The following CTNND1 variants were observed in gnomAD, a reference collection of about 807,000 sequenced individuals.
The protein encoded by CTNND1 is catenin delta-1.
A neutral mutation model predicts 112.1 loss-of-function variants in CTNND1; 16 were observed. The ratio of observed to expected loss-of-function variants is 0.14; its 90% CI spans 0.10 to 0.22. The LOEUF is 0.22. Among genes scored for constraint, CTNND1 ranks in the 10% least tolerant of loss-of-function variants. The pLI is 1.00. For synonymous variants in CTNND1, 420 were observed against 446.5 expected (o/e 0.94, Z 0.75); for missense variants, 1,008 against 1,257.0 (o/e 0.80, Z 3.00).
At chr11:57,771,199 C>T (rs931517993) in intron 1 of CTNND1, among the ~76,000 whole-genome samples, 2 of 151,336 alleles carry the variant, frequency 1.3e-5, no homozygotes, top group Non-Finnish European at 2.9e-5. Context: ...CATCTCCATT[C>T]AAAAGAAATT....
chr11:57,770,714 T>A (rs1169560056), intron 1 of CTNND1, among the ~76,000 whole-genome samples: 1 of 151,910 alleles, frequency 6.6e-6, no homozygotes, highest in Admixed American at 6.6e-5. Flanking sequence ...AGCTCATATT[T>A]TAAGAAACTA....
intron 17 of CTNND1, among the ~76,000 whole-genome samples, chr11:57,813,257 C>CA (rs2063579475): frequency 6.6e-6 from 1 of 152,014 alleles, no homozygotes; most frequent in South Asian, 2.1e-4. Context: ...CCCAGGTGGT[C>CA]AAGGCTGCAG....
At chr11:57,814,286 T>C in intron 17 of CTNND1, 25 bp from the exon 18 acceptor site, 1 of 1,580,774 alleles carries the variant, frequency 6.3e-7, no homozygotes, top group Non-Finnish European at 8.7e-7. Flanking sequence ...GTTTTTGACA[T>C]GGATAACTTT....
intron 10 of CTNND1, 73 bp downstream of exon 10, chr11:57,806,108 C>G (rs1244758276): frequency 6.6e-7 from 1 of 1,507,536 alleles, no homozygotes; most frequent in African/African-American, 1.4e-5. Flanking sequence ...GCTTAAGGTA[C>G]AAAATACTTG....
intron 2 of CTNND1, 108 bp from the exon 3 acceptor site, chr11:57,791,277 C>CA (rs1454246245): frequency 1.1e-6 from 1 of 943,072 alleles, no homozygotes; most frequent in African/African-American, 1.7e-5. Context: ...TTGCTTTCTG[C>CA]ACTGCAGTAA....
intron 1 of CTNND1, among the ~76,000 whole-genome samples, chr11:57,780,183 A>G (rs2059428138): frequency 6.6e-6 from 1 of 150,922 alleles, no homozygotes; most frequent in East Asian, 2.0e-4. Context: ...CCTCCCGAGT[A>G]GCTGGAACTA....
chr11:57,793,900 A>G (rs1310051827), intron 3 of CTNND1, 110 bp from the exon 4 acceptor site: 1 of 1,010,430 alleles, frequency 9.9e-7, no homozygotes, highest in Non-Finnish European at 1.5e-6. Context: ...ACTCCAGGCC[A>G]CACATATCTT....
Position 57,808,558 on chromosome 11 carries a change from A to G in CTNND1, c.2242+18A>G. ...ATTAATTGGTGAGGAGTTGAATGCT[A>G]ACTGTTACCTCAAAATTTAGTACAG... is the stretch of plus-strand genomic sequence containing the variant. On this transcript the variant is annotated intron_variant, in intron 14 of 20. Transcript: ENST00000399050. 1 of 1,563,998 alleles carries G rather than the reference A, an allele frequency of 6.4e-7. No individual in the cohort carries two copies. The highest frequency in any genetic ancestry group is 1.2e-5 in the South Asian group (1 of 81,844).
chr11:57,816,551 A>G lies in CTNND1; in HGVS notation c.*243A>G. 1.8e-6 allele frequency: 1 copy of G among 561,636 alleles called. No individual in the cohort carries two copies. Among genetic ancestry groups the G allele is most frequent in the Non-Finnish European group, 3.2e-6 (1 of 315,892 alleles). 34.8% of individuals were successfully genotyped at this position (561,636 alleles called of 1,614,324 possible). A position where few individuals can be genotyped will look rare whatever the true frequency, so the allele number is the denominator to read the frequency against. ...ATTTTTCTCCCAAGAAACCTGACTC[A>G]ATTATTTGCATATTTTGAGAAACTG... is the stretch of plus-strand genomic sequence containing the variant. On this transcript the variant is annotated 3_prime_UTR_variant, in exon 21 of 21. Coordinates refer to ENST00000399050, the MANE Select transcript of CTNND1 (RefSeq NM_001085458.2).
chr11:57,802,802 G>A lies in CTNND1; in HGVS notation c.1420+606G>A, dbSNP rs192613448. Among the ~76,000 whole-genome samples, 224 of 152,292 alleles carry A rather than the reference G, an allele frequency of 1.5e-3. No individual in the cohort carries two copies. In the Middle Eastern group the frequency reaches 0.027, roughly 18 times the overall value. ...TTGTGGAGCATAATCAGCATTCCAA[G>A]GGAAAGGAATAAAGAAAAAGTAGTA... is the stretch of plus-strand genomic sequence containing the variant. On this transcript the variant is annotated intron_variant, in intron 7 of 20. Coordinates refer to ENST00000399050, the MANE Select transcript of CTNND1 (RefSeq NM_001085458.2).
At chr11:57,774,446 C>G (rs989215834) in intron 1 of CTNND1, among the ~76,000 whole-genome samples, 5 of 152,164 alleles carry the variant, frequency 3.3e-5, no homozygotes, top group Non-Finnish European at 5.9e-5. Context: ...ACAGTTCTTC[C>G]TTCTAGGTTC....
At chr11:57,808,639 G>A (rs2062981563) in intron 14 of CTNND1, 99 bp downstream of exon 14, 2 of 1,200,356 alleles carry the variant, frequency 1.7e-6, no homozygotes, top group South Asian at 4.6e-5. Flanking sequence ...AATGACTGAA[G>A]GGAAGGACCC....
intron 1 of CTNND1, among the ~76,000 whole-genome samples, chr11:57,779,019 T>C (rs1432880113): frequency 2.6e-5 from 4 of 152,246 alleles, no homozygotes; most frequent in Non-Finnish European, 4.4e-5. Flanking sequence ...GGAAGCTTAC[T>C]GAGTTTTGTG....
At chr11:57,799,144 C>T (rs2061703466) in intron 6 of CTNND1, among the ~76,000 whole-genome samples, 1 of 152,228 alleles carries the variant, frequency 6.6e-6, no homozygotes, top group African/African-American at 2.4e-5. Context: ...AGTCACTCAC[C>T]TTTCAGGTGT....
chr11:57,810,430 G>T (rs1007650415), intron 16 of CTNND1, among the ~76,000 whole-genome samples: 2 of 151,954 alleles, frequency 1.3e-5, no homozygotes, highest in African/African-American at 4.8e-5. Flanking sequence ...CCGGGTTCAA[G>T]TGATTCTTGT....
In CTNND1 at chr11:57,762,095, A is replaced by T; in HGVS notation, c.-238A>T. 1.0e-6 allele frequency: 1 copy of T among 985,444 alleles called. No individual in the cohort carries two copies. The highest frequency in any genetic ancestry group is 1.2e-6 in the Non-Finnish European group (1 of 829,918). 61.0% of individuals were successfully genotyped at this position (985,444 alleles called of 1,614,324 possible). A position where few individuals can be genotyped will look rare whatever the true frequency, so the allele number is the denominator to read the frequency against. ...TATGTACTGACGGGAAAAGGAGGATAAGCAAGTCGAATTTTTGTCTTACGG... is the reference window on the plus strand; with the variant it reads ...TATGTACTGACGGGAAAAGGAGGATTAGCAAGTCGAATTTTTGTCTTACGG... On this transcript the variant is annotated 5_prime_UTR_variant, in exon 1 of 21. An upstream open reading frame in the 5' UTR loses its in-frame stop. Coordinates refer to ENST00000399050, the MANE Select transcript of CTNND1 (RefSeq NM_001085458.2).
At position 57,810,168 on chromosome 11, in the gene CTNND1, A is replaced by C; in HGVS notation, c.2495A>C (p.Tyr832Ser). 1 of 1,613,266 alleles carries C rather than the reference A, an allele frequency of 6.2e-7. No individual in the cohort carries two copies. Among genetic ancestry groups the C allele is most frequent in the Non-Finnish European group, 8.5e-7 (1 of 1,179,518 alleles). The change falls in exon 16 of 21, where the codon TAT (tyrosine) becomes TCT (serine). Residue 832 changes from tyrosine to serine, a missense_variant. By Grantham distance (144) the Tyr-to-Ser change is moderately radical. Around this residue, in one of 5 missense-constraint regions of CTNND1, gnomAD observed 28 missense variants for 60.6 expected, o/e 0.46. Coordinates refer to ENST00000399050, the MANE Select transcript of CTNND1 (RefSeq NM_001085458.2). ...CTTGTATTACAGACAATCTGGGGAT[A>C]TAAGGAACTGCGGAAGCCACTGGAA... ...AALVLQTIWG[Y>S]KELRKPLEKE... is the part of the protein sequence containing the mutation.
chr11:57,796,355 C>G (rs928756080), intron 5 of CTNND1, 102 bp from the exon 6 acceptor site: 1 of 1,152,686 alleles, frequency 8.7e-7, no homozygotes, highest in African/African-American at 1.6e-5. Context: ...CCATTGCACT[C>G]CAGCCAGGGC....
Position 57,818,609 on chromosome 11 carries a change from T to C in CTNND1, c.*2301T>C, listed in dbSNP as rs1353371860. 2 of 152,508 alleles carry C rather than the reference T, an allele frequency of 1.3e-5. No homozygotes were observed. The highest frequency in any genetic ancestry group is 3.9e-4 in the East Asian group (2 of 5,182). The allele number at this position is 152,508 out of a possible 1,614,324, so 9.4% of individuals were successfully genotyped here. A position where few individuals can be genotyped will look rare whatever the true frequency, so the allele number is the denominator to read the frequency against. On this transcript the variant is annotated 3_prime_UTR_variant, in exon 21 of 21. Coordinates refer to ENST00000399050, the MANE Select transcript of CTNND1 (RefSeq NM_001085458.2). ...GCCCCAACTCTTTATCAAGCAACAT[T>C]CTTGTTAACTATATGTGAAACATTT...
Sources: allele counts gnomAD v4.1 joint callset (sites outside exome capture counted in the v4.1 genomes callset), GRCh38; gene constraint gnomAD v4.1.1; regional missense constraint gnomAD v4.1.1; transcripts MANE v1.5; gene names NCBI Gene and HGNC (gene_info 2026-07-23, HGNC 2026-07-21).